Variants in FARP1 observed in about 807,000 individuals in gnomAD.
The protein encoded by FARP1 is FERM, ARHGEF and pleckstrin domain-containing protein 1.
Under a neutral mutation model 128.8 loss-of-function variants are expected in FARP1, and 52 were observed. The ratio of observed to expected loss-of-function variants is 0.40; its 90% CI spans 0.32 to 0.51. The LOEUF is 0.51. FARP1 is among the 20% of genes least tolerant of loss of function. The pLI is 0.45. For missense variants in FARP1, 1,333 were observed against 1,367.9 expected, an observed-to-expected ratio of 0.97 and a Z score of 0.40; for synonymous variants, 580 against 551.8, an observed-to-expected ratio of 1.05 and a Z score of -0.72.
intron 16 of FARP1, among the ~76,000 whole-genome samples, chr13:98,416,166 G>A (rs1383606745): frequency 6.6e-6 from 1 of 152,124 alleles, no homozygotes; most frequent in Non-Finnish European, 1.5e-5. Context: ...TAGGAGAGTC[G>A]GCAAAACTAA....
intron 2 of FARP1, among the ~76,000 whole-genome samples, chr13:98,326,398 A>T (rs1323634206): frequency 2.0e-5 from 3 of 152,234 alleles, no homozygotes; most frequent in Non-Finnish European, 2.9e-5. Context: ...CATTGCTGTG[A>T]AACAGAGGTC....
In FARP1 at chr13:98,452,979, C is replaced by T; in HGVS notation, c.*4662C>T. Reference sequence around the variant, plus strand: ...CGCTGGAAGGAGCTGACCCTCCCCACCCATCTGAGAGACTTCATCTGGCTG... The same window carrying T: ...CGCTGGAAGGAGCTGACCCTCCCCATCCATCTGAGAGACTTCATCTGGCTG... On this transcript the variant is annotated 3_prime_UTR_variant, in exon 27 of 27. Coordinates refer to ENST00000319562, the MANE Select transcript of FARP1 (RefSeq NM_005766.4). The T allele has an allele frequency of 2.0e-6, 1 of 511,670 alleles. No homozygotes were observed. The allele number at this position is 511,670 out of a possible 1,614,324, so 31.7% of individuals were successfully genotyped here.
At chr13:98,170,224 C>T (rs1877558553) in intron 1 of FARP1, among the ~76,000 whole-genome samples, 4 of 152,272 alleles carry the variant, frequency 2.6e-5, no homozygotes, top group Middle Eastern at 3.4e-3. Context: ...TACTCTGTCA[C>T]CCAGGCTGGA....
chr13:98,153,445 A>G (rs1468288638), intron 1 of FARP1, among the ~76,000 whole-genome samples: 8 of 138,760 alleles, frequency 5.8e-5, no homozygotes, highest in Non-Finnish European at 1.2e-4. Context: ...ATAAATATGT[A>G]TAATATATAA....
intron 21 of FARP1, 29 bp from the exon 22 acceptor site, chr13:98,439,932 A>C: frequency 6.7e-7 from 1 of 1,482,004 alleles, no homozygotes; most frequent in Non-Finnish European, 9.2e-7. Context: ...CACGTGCCTC[A>C]TGGTGACGTT....
In FARP1 at chr13:98,451,252, T is replaced by A. The variant is rs1323813721; in HGVS notation, c.*2935T>A. The A allele has an allele frequency of 6.6e-6, 1 of 152,164 alleles. No homozygotes were observed. The highest frequency in any genetic ancestry group is 1.5e-5 in the Non-Finnish European group (1 of 68,026). The allele number at this position is 152,164 out of a possible 1,614,324, so 9.4% of individuals were successfully genotyped here. A position where few individuals can be genotyped will look rare whatever the true frequency, so the allele number is the denominator to read the frequency against. On this transcript the variant is annotated 3_prime_UTR_variant, in exon 27 of 27. Transcript: ENST00000319562. ...CTGGGGAACACAGACTCAATCTGTG[T>A]GATTCGCAAGGACAAAACTCATCTT...
chr13:98,437,754 C>G, intron 19 of FARP1: 2 of 1,329,406 alleles, frequency 1.5e-6, no homozygotes, highest in Non-Finnish European at 1.1e-6. Flanking sequence ...TGCTTTCTCT[C>G]GGTCCCACCA....
At chr13:98,306,455 G>A (rs1237934801) in intron 2 of FARP1, among the ~76,000 whole-genome samples, 1 of 152,100 alleles carries the variant, frequency 6.6e-6, no homozygotes, top group East Asian at 1.9e-4. Context: ...AGTTACAAAC[G>A]ACAAGACTTA....
intron 2 of FARP1, among the ~76,000 whole-genome samples, chr13:98,340,449 A>G (rs1887919528): frequency 6.6e-6 from 1 of 151,738 alleles, no homozygotes; most frequent in African/African-American, 2.4e-5. Flanking sequence ...GGTTCAAGCA[A>G]TTTTCCTGCC....
chr13:98,234,400 T>A (rs1232183767), intron 2 of FARP1: 1 of 152,230 alleles, frequency 6.6e-6, no homozygotes, highest in Non-Finnish European at 1.5e-5. Context: ...TTCTGACTTT[T>A]TCTTATCTAA....
intron 24 of FARP1, 25 bp downstream of exon 24, chr13:98,440,861 G>A: frequency 1.9e-6 from 3 of 1,570,104 alleles, no homozygotes; most frequent in South Asian, 1.2e-5. Context: ...GGCAGCTCTG[G>A]TTCCCAGCTT....
intron 2 of FARP1, among the ~76,000 whole-genome samples, chr13:98,309,014 C>G (rs1886318948): frequency 6.6e-6 from 1 of 151,674 alleles, no homozygotes; most frequent in Non-Finnish European, 1.5e-5. Context: ...AAATATTAGA[C>G]ATAATAATTT....
intron 6 of FARP1, chr13:98,382,541 C>T (rs1012378720): frequency 6.6e-6 from 1 of 152,178 alleles, no homozygotes; most frequent in Non-Finnish European, 1.5e-5. Context: ...CAAGACATTT[C>T]GGATTTAAGG....
chr13:98,440,947 C>T, intron 24 of FARP1, 111 bp downstream of exon 24: 1 of 1,095,430 alleles, frequency 9.1e-7, no homozygotes, highest in Non-Finnish European at 1.3e-6. Context: ...GGTGGCCCCA[C>T]CTACCCGCGG....
chr13:98,176,329 G>A lies in FARP1; in HGVS notation c.-24+32837G>A. ...CAGTTTCGCCATCAGTTCTTTGGCG[G>A]GGTTAAAGATGCCGCCGGTTGGCTG... is the stretch of plus-strand genomic sequence containing the variant. On this transcript the variant is annotated intron_variant, in intron 1 of 26. Transcript: ENST00000319562. This position sits in a 1 kb window ranked among gnomAD's most constrained non-coding sequence, Gnocchi z 6.2. The A allele has an allele frequency of 1.2e-6, 2 of 1,613,816 alleles. No homozygotes were observed. Among genetic ancestry groups the A allele is most frequent in the Non-Finnish European group, 1.7e-6 (2 of 1,179,708 alleles).
rs1349219352 is a variant in FARP1 at position 98,143,320 on chromosome 13, T to G, written c.-196T>G. 3 of 147,026 alleles carry G rather than the reference T, an allele frequency of 2.0e-5. No individual in the cohort carries two copies. Among genetic ancestry groups the G allele is most frequent in the African/African-American group, 4.9e-5 (2 of 40,662 alleles). The allele number at this position is 147,026 out of a possible 1,614,324, so 9.1% of individuals were successfully genotyped here. On this transcript the variant is annotated 5_prime_UTR_variant, in exon 1 of 27. It removes an upstream start codon present in the reference 5' UTR. Coordinates refer to ENST00000319562, the MANE Select transcript of FARP1 (RefSeq NM_005766.4). ...CCCCTCCGCCCCGCGCCACCTTTGA[T>G]GGCTCGGACCTCAGCCGGCCACCGC...
At chr13:98,393,571 T>C in intron 11 of FARP1, 72 bp from the exon 12 acceptor site, 2 of 1,249,764 alleles carry the variant, frequency 1.6e-6, no homozygotes, top group South Asian at 2.5e-5. Flanking sequence ...AGGACTTTTG[T>C]TTCATTTAAA....
In FARP1 at chr13:98,191,281, C is replaced by T. The variant is rs140618359; in HGVS notation, c.-23-21939C>T. Among the ~76,000 whole-genome samples, 307 of 152,296 alleles carry T rather than the reference C, an allele frequency of 2.0e-3. 1 individual carries two copies. Among genetic ancestry groups the T allele is most frequent in the African/African-American group, 6.9e-3 (285 of 41,566 alleles). ...CATCAAAGAGCAACCTTGGGAGTCT[C>T]GGACTGGGTGAAACGAGCACTGGGG... is the stretch of plus-strand genomic sequence containing the variant. On this transcript the variant is annotated intron_variant, in intron 1 of 26. Transcript: ENST00000319562.
chr13:98,384,474 T>G, intron 6 of FARP1: 14 of 500,646 alleles, frequency 2.8e-5, no homozygotes, highest in East Asian at 3.3e-5. Flanking sequence ...ATTACAGGCA[T>G]GAGCTACTGT....
Sources: allele counts gnomAD v4.1 joint callset (sites outside exome capture counted in the v4.1 genomes callset), GRCh38; gene constraint gnomAD v4.1.1; non-coding constraint Gnocchi (gnomAD v3.1); transcripts MANE v1.5; gene names NCBI Gene and HGNC (gene_info 2026-07-23, HGNC 2026-07-21).